Variants in ADCK1 observed in about 807,000 individuals in gnomAD.
The protein encoded by ADCK1 is aarF domain containing kinase 1.
ADCK1 carries 41 observed loss-of-function variants against 52.3 expected under a neutral mutation model. The ratio of observed to expected loss-of-function variants is 0.78; its 90% confidence interval spans 0.61 to 1.02. The LOEUF is 1.02. ADCK1 is among the 50% of genes least tolerant of loss of function. The pLI is 0.00. For missense variants in ADCK1, 658 were observed against 679.5 expected, an observed-to-expected ratio of 0.97 and a Z score of 0.35; for synonymous variants, 250 against 274.6, an observed-to-expected ratio of 0.91 and a Z score of 0.89.
intron 3 of ADCK1, among the ~76,000 whole-genome samples, chr14:77,828,675 C>T (rs1330107412): frequency 1.3e-5 from 2 of 152,026 alleles, no homozygotes; most frequent in African/African-American, 2.4e-5. Context: ...TTACAGGTGC[C>T]CACCATCACA....
Position 77,830,122 on chromosome 14 carries a change from A to C in ADCK1, c.219+7604A>C, listed in dbSNP as rs1282878904. Among the ~76,000 whole-genome samples, 2 of 151,172 alleles carry C rather than the reference A, an allele frequency of 1.3e-5. 1 individual carries two copies. The highest frequency in any genetic ancestry group is 1.3e-4 in the Admixed American group (2 of 15,174). Reference sequence around the variant, plus strand: ...GCCTTTGGTGATTGAGAATGCTTAAAGTTATTGCATCATTAAATTTTCTTT... The same window carrying C: ...GCCTTTGGTGATTGAGAATGCTTAACGTTATTGCATCATTAAATTTTCTTT... On this transcript the variant is annotated intron_variant, in intron 3 of 10. Coordinates refer to ENST00000238561, the MANE Select transcript of ADCK1 (RefSeq NM_020421.4).
intron 4 of ADCK1, among the ~76,000 whole-genome samples, chr14:77,879,693 G>A (rs1267921445): frequency 6.6e-6 from 1 of 152,212 alleles, no homozygotes; most frequent in Non-Finnish European, 1.5e-5. Context: ...AGCTGCATGT[G>A]TAGGCTGGAT....
intron 5 of ADCK1, among the ~76,000 whole-genome samples, chr14:77,894,794 C>G (rs2083374706): frequency 9.0e-6 from 1 of 111,658 alleles, no homozygotes; most frequent in African/African-American, 3.3e-5. Context: ...TTATTGCCGC[C>G]CAGGCTGGAG....
At chr14:77,888,990 C>T (rs1566704823) in intron 5 of ADCK1, among the ~76,000 whole-genome samples, 2 of 152,164 alleles carry the variant, frequency 1.3e-5, no homozygotes, top group African/African-American at 4.8e-5. Flanking sequence ...TTCATGGAGG[C>T]ATGTCTTTCC....
intron 8 of ADCK1, 99 bp from the exon 9 acceptor site, chr14:77,925,665 C>T (rs11850022): frequency 0.24 from 286,957 of 1,197,214 alleles, 36,115 homozygotes; most frequent in East Asian, 0.44. Context: ...AAGGCACAGT[C>T]CTCACCGTCG....
intron 5 of ADCK1, among the ~76,000 whole-genome samples, chr14:77,895,275 CA>C (rs1420753435): frequency 6.6e-6 from 1 of 152,206 alleles, no homozygotes; most frequent in Non-Finnish European, 1.5e-5. Flanking sequence ...ACGATTCCCC[CA>C]AATTCAGAAG....
At chr14:77,921,598 C>A (rs1279113960) in intron 7 of ADCK1, among the ~76,000 whole-genome samples, 2 of 152,094 alleles carry the variant, frequency 1.3e-5, no homozygotes, top group Non-Finnish European at 2.9e-5. Flanking sequence ...AGGGACTCCC[C>A]CTCCTGTCTC....
chr14:77,822,328 C>A (rs1451418161), intron 2 of ADCK1, 107 bp from the exon 3 acceptor site: 4 of 868,882 alleles, frequency 4.6e-6, no homozygotes, highest in Non-Finnish European at 7.7e-6. Flanking sequence ...ACTGGCCACT[C>A]CCCCAGACAT....
intron 2 of ADCK1, among the ~76,000 whole-genome samples, chr14:77,821,740 G>A (rs1305494167): frequency 6.6e-6 from 1 of 151,746 alleles, no homozygotes; most frequent in Non-Finnish European, 1.5e-5. Context: ...AATTAGCCGA[G>A]TGTGGTGGCA....
chr14:77,902,118 G>A (rs1463601140), intron 6 of ADCK1, among the ~76,000 whole-genome samples: 2 of 152,332 alleles, frequency 1.3e-5, no homozygotes, highest in Middle Eastern at 3.4e-3. Context: ...TGGAGGAAGT[G>A]TCTATATTTT....
At position 77,826,377 on chromosome 14, in the gene ADCK1, TC is replaced by T. The variant is rs1029673443; in HGVS notation, c.219+3860del. On this transcript the variant is annotated intron_variant, in intron 3 of 10. Coordinates refer to ENST00000238561, the MANE Select transcript of ADCK1 (RefSeq NM_020421.4). ...GTATGTCAGAGCCAGGAGGCTAGCT[TC>T]GGCAGGCGGTGACTTCGAGCACTTT... 3.6e-3 allele frequency among the ~76,000 whole-genome samples: 24 copies of T among 6,578 alleles called. 1 individual carries two copies. The highest frequency in any genetic ancestry group is 1.5e-3 in the Admixed American group (1 of 680). 4.3% of individuals were successfully genotyped at this position (6,578 alleles called of 152,430 possible).
intron 4 of ADCK1, among the ~76,000 whole-genome samples, chr14:77,870,647 C>T (rs528487810): frequency 1.3e-5 from 2 of 152,310 alleles, no homozygotes; most frequent in Admixed American, 1.3e-4. Context: ...TTTCTCCCCT[C>T]AACATCCCCC....
intron 4 of ADCK1, 118 bp downstream of exon 4, chr14:77,859,397 G>A: frequency 9.9e-7 from 1 of 1,012,030 alleles, no homozygotes. Flanking sequence ...AAAACCAAAT[G>A]TCACAGCCAC....
chr14:77,866,318 C>G (rs571146344), intron 4 of ADCK1, among the ~76,000 whole-genome samples: 2 of 152,184 alleles, frequency 1.3e-5, no homozygotes, highest in East Asian at 3.9e-4. Context: ...CGTTGTTGAC[C>G]GAAATGTTGT....
chr14:77,894,736 GTTTTTTTTTTTTTTT>G, intron 5 of ADCK1, among the ~76,000 whole-genome samples: 2 of 36,484 alleles, frequency 5.5e-5, no homozygotes, highest in Admixed American at 4.7e-4. Flanking sequence ...TTCTTTTCTT[GTTTTTTTTTTTTTTT>G]TTTTTTTTTT....
intron 5 of ADCK1, among the ~76,000 whole-genome samples, chr14:77,890,323 C>T (rs1473981547): frequency 1.9e-4 from 29 of 152,192 alleles, no homozygotes; most frequent in Admixed American, 1.9e-3. Flanking sequence ...GCCTTAGTTC[C>T]TCTCCATATC....
chr14:77,818,901 A>G, intron 1 of ADCK1, 67 bp from the exon 2 acceptor site: 1 of 1,562,018 alleles, frequency 6.4e-7, no homozygotes, highest in Non-Finnish European at 8.7e-7. Flanking sequence ...CTGGGATTTG[A>G]ACTTCAGTTT....
intron 7 of ADCK1, among the ~76,000 whole-genome samples, chr14:77,912,433 CGTGTGTGTGTGTGTGT>C (rs57555913): frequency 1.4e-4 from 20 of 138,254 alleles, no homozygotes; most frequent in African/African-American, 2.9e-4. Flanking sequence ...TACGGAGGAG[CGTGTGTGTGTGTGTGT>C]GTGTGTGTGT....
chr14:77,907,094 T>C (rs976067126), intron 6 of ADCK1, among the ~76,000 whole-genome samples: 3 of 152,136 alleles, frequency 2.0e-5, no homozygotes, highest in Admixed American at 6.5e-5. Context: ...TTGTATTTAC[T>C]GTAGAGACAG....
Sources: gnomAD v4.1 joint callset for allele counts (sites outside exome capture counted in the v4.1 genomes callset) on GRCh38, gnomAD v4.1.1 for gene constraint, MANE v1.5 for transcripts, NCBI Gene and HGNC (gene_info 2026-07-23, HGNC 2026-07-21) for gene names.